The following AMPH variants were observed in gnomAD, a reference collection of about 807,000 sequenced individuals.
The protein encoded by AMPH is amphiphysin (Stiff-Mann syndrome with breast cancer 128kD autoantigen).
Under a neutral mutation model 99.1 loss-of-function variants are expected in AMPH, and 49 were observed. The observed-to-expected ratio is 0.49, with a 90% CI of 0.39 to 0.63. The LOEUF (loss-of-function observed/expected upper bound fraction) is 0.63, where lower values mean the gene tolerates loss of function less well. AMPH is among the 20% of genes least tolerant of loss of function. The pLI is 0.00. For synonymous variants in AMPH, 314 were observed against 317.3 expected, an observed-to-expected ratio of 0.99 and a Z score of 0.11; for missense variants, 759 against 863.4, an observed-to-expected ratio of 0.88 and a Z score of 1.52.
At chr7:38,408,333 T>C (rs1175070003) in intron 17 of AMPH, among the ~76,000 whole-genome samples, 1 of 152,184 alleles carries the variant, frequency 6.6e-6, no homozygotes, top group East Asian at 1.9e-4. Context: ...GATGCATAGA[T>C]TATAATTTTT....
At chr7:38,563,787 T>C (rs1209879445) in intron 1 of AMPH, among the ~76,000 whole-genome samples, 1 of 152,240 alleles carries the variant, frequency 6.6e-6, no homozygotes, top group Non-Finnish European at 1.5e-5. Flanking sequence ...ATATTTCTTA[T>C]CTCAAAGACC....
intron 7 of AMPH, among the ~76,000 whole-genome samples, chr7:38,471,169 GAC>G (rs1333744877): frequency 2.6e-5 from 4 of 152,076 alleles, no homozygotes; most frequent in East Asian, 1.9e-4. Flanking sequence ...GCCCCTCCTA[GAC>G]ACTATCACTC....
Position 38,602,223 on chromosome 7 carries a change from C to A in AMPH, c.69+29060G>T, listed in dbSNP as rs12701640. Reference sequence around the variant, plus strand: ...GTCCACAGAGGCCCACCCTGACCACCTGGCAGCCCTCTCTCAGAGCCTCCT... The same window carrying A: ...GTCCACAGAGGCCCACCCTGACCACATGGCAGCCCTCTCTCAGAGCCTCCT... On this transcript the variant is annotated intron_variant, in intron 1 of 20. Coordinates refer to ENST00000356264, the MANE Select transcript of AMPH (RefSeq NM_001635.4). Among the ~76,000 whole-genome samples, 9 of 152,114 alleles carry A rather than the reference C, an allele frequency of 5.9e-5. No homozygotes were observed. In the East Asian group the frequency reaches 9.7e-4, roughly 16 times the overall value.
chr7:38,570,808 G>A (rs1418722438), intron 1 of AMPH, among the ~76,000 whole-genome samples: 1 of 148,372 alleles, frequency 6.7e-6, no homozygotes, highest in African/African-American at 2.5e-5. Context: ...ATGTATGTTA[G>A]TGCCCTGAAA....
chr7:38,420,822 AG>A, intron 16 of AMPH: 2 of 358,626 alleles, frequency 5.6e-6, no homozygotes, highest in Non-Finnish European at 1.1e-5. Flanking sequence ...CTGATTCAAA[AG>A]GGTTTAAACC....
At chr7:38,404,948 G>T (rs369804979) in intron 17 of AMPH, among the ~76,000 whole-genome samples, 2 of 152,052 alleles carry the variant, frequency 1.3e-5, no homozygotes, top group East Asian at 3.9e-4. Context: ...AATCTTAAAG[G>T]CAGCTAGAGA....
chr7:38,558,994 A>G (rs1302266777), intron 1 of AMPH, among the ~76,000 whole-genome samples: 2 of 152,242 alleles, frequency 1.3e-5, no homozygotes, highest in African/African-American at 4.8e-5. Context: ...ACATAAGGAA[A>G]TTTATATATA....
intron 1 of AMPH, among the ~76,000 whole-genome samples, chr7:38,582,511 GT>G (rs1240550766): frequency 6.6e-6 from 1 of 152,194 alleles, no homozygotes; most frequent in Non-Finnish European, 1.5e-5. Flanking sequence ...TTATGGCAGA[GT>G]TGTTCAAAGA....
intron 1 of AMPH, among the ~76,000 whole-genome samples, chr7:38,555,383 T>C (rs1332269873): frequency 6.6e-6 from 1 of 152,102 alleles, no homozygotes; most frequent in African/African-American, 2.4e-5. Context: ...CCAGCCTGGG[T>C]GGCAGAGAGA....
chr7:38,429,968 GCTTTTA>G, intron 13 of AMPH, 103 bp from the exon 14 acceptor site: 1 of 1,095,560 alleles, frequency 9.1e-7, no homozygotes, highest in Non-Finnish European at 1.3e-6. Flanking sequence ...GAAGGCTATA[GCTTTTA>G]CTGGTTTAGG....
chr7:38,493,876 C>T (rs556220549), intron 4 of AMPH, among the ~76,000 whole-genome samples: 1 of 152,248 alleles, frequency 6.6e-6, no homozygotes. Context: ...GTAGTGAGGA[C>T]AGAAAAATGA....
chr7:38,464,006 G>A, intron 9 of AMPH: 1 of 1,219,888 alleles, frequency 8.2e-7, no homozygotes, highest in Non-Finnish European at 1.1e-6. Flanking sequence ...CACATGATTG[G>A]GGTCATATGC....
At chr7:38,568,127 C>A (rs1791811245) in intron 1 of AMPH, among the ~76,000 whole-genome samples, 1 of 152,086 alleles carries the variant, frequency 6.6e-6, no homozygotes, top group Non-Finnish European at 1.5e-5. Context: ...CCAATTTTTC[C>A]TTATTACTGT....
chr7:38,487,409 A>G (rs1266085093), intron 5 of AMPH, among the ~76,000 whole-genome samples: 1 of 152,208 alleles, frequency 6.6e-6, no homozygotes, highest in Non-Finnish European at 1.5e-5. Flanking sequence ...TCTGACAAAA[A>G]CAAGCAATGA....
chr7:38,430,914 T>G (rs920248932), intron 13 of AMPH, among the ~76,000 whole-genome samples: 1 of 152,216 alleles, frequency 6.6e-6, no homozygotes, highest in Non-Finnish European at 1.5e-5. Flanking sequence ...AGAAAGAAAG[T>G]GGCAATGTCA....
In AMPH at chr7:38,592,706, G is replaced by A. The variant is rs796199509; in HGVS notation, c.69+38577C>T. Among the ~76,000 whole-genome samples the A allele has an allele frequency of 2.7e-5, 4 of 150,938 alleles. 1 individual carries two copies. Among genetic ancestry groups the A allele is most frequent in the South Asian group, 2.1e-4 (1 of 4,718 alleles). On this transcript the variant is annotated intron_variant, in intron 1 of 20. Transcript: ENST00000356264. ...AGGTCATGCCACTGCACTCCAGCCT[G>A]GGAGACAGAGCAAGACTCCGTCTCA...
At chr7:38,569,881 A>C (rs1294574209) in intron 1 of AMPH, among the ~76,000 whole-genome samples, 1 of 152,200 alleles carries the variant, frequency 6.6e-6, no homozygotes, top group East Asian at 1.9e-4. Context: ...TTTTCATAAA[A>C]ACAGAAAACC....
intron 7 of AMPH, 57 bp downstream of exon 7, chr7:38,475,274 T>C: frequency 9.1e-7 from 1 of 1,104,174 alleles, no homozygotes; most frequent in African/African-American, 1.5e-5. Flanking sequence ...TAAGGGATAT[T>C]CACTGATCTT....
At chr7:38,513,982 C>G (rs142002942) in intron 2 of AMPH, among the ~76,000 whole-genome samples, 38 of 152,310 alleles carry the variant, frequency 2.5e-4, no homozygotes, top group African/African-American at 9.1e-4. Context: ...CTTTGACCCC[C>G]CTTTGCTTCA....
Sources: gnomAD v4.1 joint callset for allele counts (sites outside exome capture counted in the v4.1 genomes callset) on GRCh38, gnomAD v4.1.1 for gene constraint, MANE v1.5 for transcripts, NCBI Gene and HGNC (gene_info 2026-07-23, HGNC 2026-07-21) for gene names.